Variants in VAV2 observed in about 807,000 individuals in gnomAD.
VAV2 encodes vav guanine nucleotide exchange factor 2, also known as guanine nucleotide exchange factor VAV2.
In VAV2, 67 loss-of-function variants were observed where a neutral mutation model predicts 132.5. That is an observed-to-expected ratio of 0.51 (90% confidence interval 0.42 to 0.62). VAV2 has a LOEUF of 0.62. Ranked by LOEUF, VAV2 falls within the 20% of genes least tolerant of loss-of-function variation. The pLI is 0.00. For synonymous variants in VAV2, 492 were observed against 443.5 expected (o/e 1.11, Z -1.37); for missense variants, 938 against 1,153.6 (o/e 0.81, Z 2.71).
At chr9:133,976,138 G>A (rs562272144) in intron 1 of VAV2, among the ~76,000 whole-genome samples, 242 of 152,228 alleles carry the variant, frequency 1.6e-3, no homozygotes, top group Middle Eastern at 6.8e-3. Context: ...CCCAGGAGGC[G>A]GAGGTTGCAG....
At chr9:133,866,401 C>T (rs1182572181) in intron 2 of VAV2, among the ~76,000 whole-genome samples, 1 of 152,186 alleles carries the variant, frequency 6.6e-6, no homozygotes, top group Non-Finnish European at 1.5e-5. Flanking sequence ...CAAGAACCTC[C>T]AAGCAAAACA....
chr9:133,830,208 T>G (rs1836210808), intron 4 of VAV2, among the ~76,000 whole-genome samples: 1 of 152,168 alleles, frequency 6.6e-6, no homozygotes, highest in Non-Finnish European at 1.5e-5. Flanking sequence ...ACATTCAAGG[T>G]GACCTTCATG....
rs911238653 is a variant in VAV2 at position 133,823,432 on chromosome 9, C to T, written c.449+10840G>A. 7.2e-5 allele frequency among the ~76,000 whole-genome samples: 11 copies of T among 152,184 alleles called. No homozygotes were observed. The highest frequency in any genetic ancestry group is 2.4e-4 in the African/African-American group (10 of 41,430). ...CAATCGATATAGGAGATACTACGTA[C>T]GTGATGGGACTTCTACAATAAAACC... On this transcript the variant is annotated intron_variant, in intron 4 of 29. Coordinates refer to ENST00000371850, the MANE Select transcript of VAV2 (RefSeq NM_001134398.2). This position sits in a 1 kb window ranked among gnomAD's most constrained non-coding sequence, Gnocchi z 5.5.
rs796237623 is a variant in VAV2 at position 133,857,079 on chromosome 9, C to T, written c.380+4295G>A. 8.5e-5 allele frequency among the ~76,000 whole-genome samples: 13 copies of T among 152,282 alleles called. No homozygotes were observed. Among genetic ancestry groups the T allele is most frequent in the Admixed American group, 4.6e-4 (7 of 15,298 alleles). On this transcript the variant is annotated intron_variant, in intron 3 of 29. Transcript: ENST00000371850. The surrounding 1 kb of genome is among the most constrained non-coding windows in gnomAD (Gnocchi z 4.0). The stretch of plus-strand genomic sequence containing the variant: ...CCCAAGGTCATTTGGCTGACAGAAG[C>T]TTCCTTCATGGGACCTGACCTCCCA...
At chr9:133,976,625 C>T (rs1226047262) in intron 1 of VAV2, among the ~76,000 whole-genome samples, 2 of 152,220 alleles carry the variant, frequency 1.3e-5, no homozygotes, top group East Asian at 1.9e-4. Context: ...CAAACAGACC[C>T]CCAAGCCCCT....
intron 2 of VAV2, among the ~76,000 whole-genome samples, chr9:133,932,392 G>C (rs1588389335): frequency 6.6e-6 from 1 of 152,216 alleles, no homozygotes; most frequent in Admixed American, 6.5e-5. Flanking sequence ...AGCACAGGAA[G>C]CCGGACACAA....
chr9:133,792,674 A>AG (rs1303777400), intron 12 of VAV2, among the ~76,000 whole-genome samples: 7 of 29,606 alleles, frequency 2.4e-4, no homozygotes, highest in Admixed American at 3.7e-4. Flanking sequence ...TCAGCCCCCA[A>AG]GGGACCCCCC....
intron 2 of VAV2, among the ~76,000 whole-genome samples, chr9:133,913,828 T>C (rs2132051414): frequency 6.6e-6 from 1 of 152,182 alleles, no homozygotes; most frequent in East Asian, 1.9e-4. Context: ...GGGGCAGCCA[T>C]GGTGGGATAT....
chr9:133,895,495 G>A (rs908292504), intron 2 of VAV2, among the ~76,000 whole-genome samples: 1 of 152,256 alleles, frequency 6.6e-6, no homozygotes, highest in Non-Finnish European at 1.5e-5. Flanking sequence ...GACGTGAAAA[G>A]GAGAGAAGCT....
chr9:133,973,102 C>T (rs946804172), intron 1 of VAV2, among the ~76,000 whole-genome samples: 1 of 151,892 alleles, frequency 6.6e-6, no homozygotes, highest in African/African-American at 2.4e-5. Context: ...ACCAAGGCAG[C>T]GGGCAGTGAA....
At chr9:133,852,851 C>T (rs1588269933) in intron 3 of VAV2, among the ~76,000 whole-genome samples, 1 of 152,180 alleles carries the variant, frequency 6.6e-6, no homozygotes, top group African/African-American at 2.4e-5. Context: ...AGGGTGGGGG[C>T]ACAGCCCCTG....
chr9:133,903,095 AAG>A lies in VAV2; in HGVS notation c.321+36006_321+36007del, dbSNP rs1554804713. Reference sequence around the variant, plus strand: ...TGCCCCAGGAAAAAAAAAAAAAAAAAAGAGGTAGTTTGGACACAGAGATAGGC... The same window carrying A: ...TGCCCCAGGAAAAAAAAAAAAAAAAAAGGTAGTTTGGACACAGAGATAGGC... On this transcript the variant is annotated intron_variant, in intron 2 of 29. Transcript: ENST00000371850. Among the ~76,000 whole-genome samples, 70 of 151,722 alleles carry A rather than the reference AAG, an allele frequency of 4.6e-4. 1 individual carries two copies. In the South Asian group the frequency reaches 0.012, roughly 27 times the overall value.
chr9:133,771,315 C>T (rs1373930920), intron 26 of VAV2, among the ~76,000 whole-genome samples: 6 of 152,054 alleles, frequency 3.9e-5, no homozygotes, highest in South Asian at 4.1e-4. Flanking sequence ...TCACCCACCT[C>T]GGCCTCCCAG....
intron 2 of VAV2, among the ~76,000 whole-genome samples, chr9:133,922,097 G>A (rs574409025): frequency 5.3e-5 from 8 of 152,354 alleles, no homozygotes; most frequent in South Asian, 2.1e-4. Flanking sequence ...AGGGGGACCC[G>A]GACCCGGCTC....
At chr9:133,774,892 G>T (rs1447764567) in intron 25 of VAV2, 43 bp downstream of exon 25, 1 of 1,558,634 alleles carries the variant, frequency 6.4e-7, no homozygotes, top group South Asian at 1.1e-5. Context: ...CTTCAGAACG[G>T]CATTGGGGGA....
intron 1 of VAV2, among the ~76,000 whole-genome samples, chr9:133,990,216 G>C (rs1724635264): frequency 2.6e-5 from 4 of 152,138 alleles, no homozygotes; most frequent in African/African-American, 9.7e-5. Flanking sequence ...CCCTCCACGA[G>C]TCCGGCAGCA....
chr9:133,898,599 A>T (rs1018609996), intron 2 of VAV2, among the ~76,000 whole-genome samples: 3 of 152,090 alleles, frequency 2.0e-5, no homozygotes, highest in African/African-American at 7.2e-5. Context: ...GCCTCAAAAA[A>T]ATAAAAAATA....
intron 13 of VAV2, among the ~76,000 whole-genome samples, chr9:133,791,323 G>T (rs1834451135): frequency 6.6e-6 from 1 of 152,136 alleles, no homozygotes; most frequent in Non-Finnish European, 1.5e-5. Flanking sequence ...AGAGGCGACT[G>T]CCGGCCCCAC....
intron 1 of VAV2, among the ~76,000 whole-genome samples, chr9:133,943,451 T>C (rs1224904652): frequency 6.6e-6 from 1 of 152,234 alleles, no homozygotes; most frequent in African/African-American, 2.4e-5. Flanking sequence ...CACCTGTGGC[T>C]GCAGGAGCAA....
Sources: allele counts gnomAD v4.1 joint callset (sites outside exome capture counted in the v4.1 genomes callset), GRCh38; gene constraint gnomAD v4.1.1; non-coding constraint Gnocchi (gnomAD v3.1); transcripts MANE v1.5; gene names NCBI Gene and HGNC (gene_info 2026-07-23, HGNC 2026-07-21).